GRM3: variants seen among roughly 807,000 people sequenced by gnomAD.
GRM3 encodes metabotropic glutamate receptor 3.
In GRM3, 26 loss-of-function variants were observed where a neutral mutation model predicts 70.5. The ratio of observed to expected loss-of-function variants is 0.37; its 90% CI spans 0.27 to 0.51. GRM3 has a LOEUF of 0.51. GRM3 is among the 20% of genes least tolerant of loss of function. The pLI, the probability that GRM3 is intolerant of heterozygous loss-of-function variation, is 0.93. For missense variants in GRM3, 859 were observed against 1,123.8 expected (o/e 0.76, Z 3.37); for synonymous variants, 443 against 434.9 (o/e 1.02, Z -0.23).
chr7:86,722,604 G>T (rs1005304637), intron 1 of GRM3, among the ~76,000 whole-genome samples: 1 of 142,748 alleles, frequency 7.0e-6, no homozygotes. Flanking sequence ...GGGGACTGTC[G>T]GGGGGTGGGG....
In GRM3 at chr7:86,741,958, A is replaced by G. The variant is rs140941986; in HGVS notation, c.-140-23048A>G. On this transcript the variant is annotated intron_variant, in intron 1 of 5. Transcript: ENST00000361669. The stretch of plus-strand genomic sequence containing the variant: ...ATTGCTTAGTAACATACCACACCAA[A>G]ATTTAATGGCTTAAAATGATACATT... Among the ~76,000 whole-genome samples the G allele has an allele frequency of 1.2e-3, 187 of 151,990 alleles. 2 individuals are homozygous for G. The highest frequency in any genetic ancestry group is 4.3e-3 in the African/African-American group (179 of 41,298).
chr7:86,850,211 A>G (rs1430153550), intron 4 of GRM3, among the ~76,000 whole-genome samples, 159 bp from the exon 5 acceptor site: 1 of 152,214 alleles, frequency 6.6e-6, no homozygotes, highest in African/African-American at 2.4e-5. Flanking sequence ...CCCCAAACAT[A>G]GAAGATTCAA....
chr7:86,693,974 C>A (rs1794753315), intron 1 of GRM3, among the ~76,000 whole-genome samples: 1 of 152,184 alleles, frequency 6.6e-6, no homozygotes, highest in Non-Finnish European at 1.5e-5. Flanking sequence ...ATGTTTCATA[C>A]AGGCAACTAT....
At position 86,644,891 on chromosome 7, in the gene GRM3, G is replaced by C; in HGVS notation, c.-141+19G>C. 8.0e-7 allele frequency: 1 copy of C among 1,257,020 alleles called. No individual in the cohort carries two copies. Among genetic ancestry groups the C allele is most frequent in the South Asian group, 1.2e-5 (1 of 80,328 alleles). The allele number at this position is 1,257,020 out of a possible 1,614,324, so 77.9% of individuals were successfully genotyped here. A position where few individuals can be genotyped will look rare whatever the true frequency, so the allele number is the denominator to read the frequency against. On this transcript the variant is annotated intron_variant, in intron 1 of 5. Transcript: ENST00000361669. ...GTGCGAGGTAAGGGTCCCAGAGGAG[G>C]ACGTGTCCCTCTGGAGGGCGCCCAG... is the stretch of plus-strand genomic sequence containing the variant.
intron 1 of GRM3, among the ~76,000 whole-genome samples, chr7:86,752,662 A>G (rs543248565): frequency 6.6e-6 from 1 of 152,202 alleles, no homozygotes; most frequent in South Asian, 2.1e-4. Context: ...GTTGCCATGG[A>G]ATTTAAAGAC....
intron 1 of GRM3, among the ~76,000 whole-genome samples, chr7:86,756,550 A>AT (rs56369646): frequency 6.6e-6 from 1 of 152,002 alleles, no homozygotes; most frequent in Non-Finnish European, 1.5e-5. Context: ...TCATTAAGTT[A>AT]TTTTTTCTGA....
chr7:86,669,823 C>T (rs1215248115), intron 1 of GRM3, among the ~76,000 whole-genome samples: 1 of 152,134 alleles, frequency 6.6e-6, no homozygotes, highest in African/African-American at 2.4e-5. Flanking sequence ...ACAGAATACA[C>T]TTAGTCTCTC....
intron 1 of GRM3, among the ~76,000 whole-genome samples, chr7:86,751,777 C>A (rs773644213): frequency 6.6e-6 from 1 of 152,078 alleles, no homozygotes; most frequent in Non-Finnish European, 1.5e-5. Context: ...AGAAGGAGGC[C>A]TCTGCACGCC....
intron 1 of GRM3, among the ~76,000 whole-genome samples, chr7:86,711,159 CTAATTTAATT>C (rs1242864608): frequency 2.0e-5 from 3 of 151,640 alleles, no homozygotes; most frequent in Admixed American, 1.3e-4. Context: ...TTTGTCTTCT[CTAATTTAATT>C]TAATTTAATT....
chr7:86,670,110 A>T (rs1794133133), intron 1 of GRM3, among the ~76,000 whole-genome samples: 1 of 152,170 alleles, frequency 6.6e-6, no homozygotes, highest in Non-Finnish European at 1.5e-5. Context: ...TGTTTCCTTA[A>T]TGTAAGTATT....
intron 1 of GRM3, among the ~76,000 whole-genome samples, chr7:86,756,228 A>T (rs1012934365): frequency 6.6e-6 from 1 of 151,956 alleles, no homozygotes; most frequent in Admixed American, 6.6e-5. Flanking sequence ...ACAGGCACAC[A>T]CCACCAAGCC....
intron 1 of GRM3, among the ~76,000 whole-genome samples, chr7:86,731,000 C>A (rs1013685948): frequency 2.6e-5 from 4 of 151,994 alleles, no homozygotes; most frequent in African/African-American, 9.7e-5. Flanking sequence ...TTCTGTATGT[C>A]CCCCTCAAAT....
At chr7:86,767,828 C>A (rs1227849762) in intron 2 of GRM3, among the ~76,000 whole-genome samples, 1 of 151,910 alleles carries the variant, frequency 6.6e-6, no homozygotes, top group Non-Finnish European at 1.5e-5. Flanking sequence ...TAATTTTACT[C>A]TTTTACTACC....
At chr7:86,848,526 G>T (rs1798699319) in intron 4 of GRM3, among the ~76,000 whole-genome samples, 1 of 152,006 alleles carries the variant, frequency 6.6e-6, no homozygotes, top group Non-Finnish European at 1.5e-5. Context: ...CTTTTCCCCT[G>T]CAGGACCTTG....
chr7:86,742,805 A>G (rs768840205), intron 1 of GRM3, among the ~76,000 whole-genome samples: 26 of 152,184 alleles, frequency 1.7e-4, no homozygotes, highest in Non-Finnish European at 3.7e-4. Context: ...GGCCTACAGC[A>G]CTGAGCTCTA....
chr7:86,696,501 T>TA (rs1402285039), intron 1 of GRM3, among the ~76,000 whole-genome samples: 1 of 152,196 alleles, frequency 6.6e-6, no homozygotes, highest in Admixed American at 6.5e-5. Flanking sequence ...CCTGGACTTA[T>TA]TTCAGACTTA....
At chr7:86,770,737 A>G (rs985741999) in intron 2 of GRM3, among the ~76,000 whole-genome samples, 4 of 152,140 alleles carry the variant, frequency 2.6e-5, no homozygotes, top group African/African-American at 9.7e-5. Context: ...TTATAGGAGC[A>G]TAGGAAAAAT....
At chr7:86,704,288 T>C (rs1364149302) in intron 1 of GRM3, among the ~76,000 whole-genome samples, 2 of 151,966 alleles carry the variant, frequency 1.3e-5, no homozygotes, top group Non-Finnish European at 2.9e-5. Flanking sequence ...TTTGATTAGA[T>C]GCTTTCTGGG....
intron 1 of GRM3, among the ~76,000 whole-genome samples, chr7:86,763,967 A>G (rs1796540998): frequency 6.6e-6 from 1 of 152,010 alleles, no homozygotes; most frequent in Admixed American, 6.6e-5. Flanking sequence ...GCTTTGGGAG[A>G]TGTTAAGCGG....
Sources: allele counts gnomAD v4.1 joint callset (sites outside exome capture counted in the v4.1 genomes callset), GRCh38; gene constraint gnomAD v4.1.1; transcripts MANE v1.5; gene names NCBI Gene and HGNC (gene_info 2026-07-23, HGNC 2026-07-21).